CDH17: variants seen among roughly 807,000 people sequenced by gnomAD.
CDH17 encodes cadherin 17.
CDH17 carries 67 observed loss-of-function variants against 86.3 expected under a neutral mutation model. That is an observed-to-expected ratio of 0.78 (90% CI 0.64 to 0.95). CDH17 has a LOEUF of 0.95. Ranked by LOEUF, CDH17 falls within the 40% of genes least tolerant of loss-of-function variation. The probability of loss-of-function intolerance (pLI) is 0.00; values close to 1 mark genes in which losing one functional copy is unlikely to be tolerated. For synonymous variants in CDH17, 367 were observed against 366.4 expected (o/e 1.00, Z -0.02); for missense variants, 993 against 1,017.6 (o/e 0.98, Z 0.33).
At chr8:94,168,957 C>A (rs575331315) in intron 9 of CDH17, among the ~76,000 whole-genome samples, 1 of 152,282 alleles carries the variant, frequency 6.6e-6, no homozygotes, top group South Asian at 2.1e-4. Context: ...TCAGAACTCT[C>A]TGAATTAGAG....
chr8:94,216,351 G>C (rs1436376401), intron 1 of CDH17, among the ~76,000 whole-genome samples: 1 of 152,176 alleles, frequency 6.6e-6, no homozygotes, highest in African/African-American at 2.4e-5. Context: ...GTGCAGTGGA[G>C]GAGGAGGGGA....
chr8:94,173,281 G>A (rs1372739479), intron 7 of CDH17, among the ~76,000 whole-genome samples: 1 of 152,118 alleles, frequency 6.6e-6, no homozygotes, highest in Non-Finnish European at 1.5e-5. Context: ...GGGATCATGG[G>A]GGCAGATCCC....
At chr8:94,201,696 A>G (rs1021828702) in intron 1 of CDH17, among the ~76,000 whole-genome samples, 15 of 152,100 alleles carry the variant, frequency 9.9e-5, no homozygotes, top group African/African-American at 3.6e-4. Flanking sequence ...GCAAATGAAG[A>G]CCCCATGGAA....
Position 94,146,010 on chromosome 8 carries a change from C to T in CDH17, c.2085G>A (p.Gln695=), listed in dbSNP as rs758016278. ...TAAAATGGGGACCCCGAAATAAGTG[C>T]TGATCATCATCAGTAGCCTCGAAAA... is the stretch of plus-strand genomic sequence containing the variant. ...SLIFEATDDD[Q]HLFRGPHFTF... Residue 695 remains glutamine (Q), a synonymous_variant, in exon 15 of 18, where the codon CAG becomes CAA. Coordinates refer to ENST00000027335, the MANE Select transcript of CDH17 (RefSeq NM_004063.4). 6.2e-7 allele frequency: 1 copy of T among 1,613,932 alleles called. No homozygotes were observed. Among genetic ancestry groups the T allele is most frequent in the South Asian group, 1.1e-5 (1 of 91,040 alleles).
chr8:94,172,043 CCTCT>C (rs1435580697), intron 7 of CDH17, among the ~76,000 whole-genome samples: 1 of 142,642 alleles, frequency 7.0e-6, no homozygotes, highest in African/African-American at 2.6e-5. Context: ...CCCCTCTCCC[CCTCT>C]CTCTTTCTCC....
intron 15 of CDH17, among the ~76,000 whole-genome samples, chr8:94,137,335 C>T (rs894971057): frequency 2.0e-5 from 3 of 152,160 alleles, no homozygotes; most frequent in African/African-American, 7.2e-5. Context: ...CCTACTGAAG[C>T]CTCAGCAATG....
chr8:94,195,760 A>AT (rs5893269), intron 1 of CDH17, among the ~76,000 whole-genome samples: 156 of 144,842 alleles, frequency 1.1e-3, no homozygotes, highest in Admixed American at 1.6e-3. Flanking sequence ...AGTCAAGGAA[A>AT]TTTTTTTTTT....
At chr8:94,194,788 A>G in intron 1 of CDH17, 83 bp from the exon 2 acceptor site, 1 of 727,620 alleles carries the variant, frequency 1.4e-6, no homozygotes, top group Non-Finnish European at 2.4e-6. Flanking sequence ...TCAATGGATG[A>G]TATCCAGTTA....
chr8:94,211,466 C>G (rs759119591), upstream of CDH17, among the ~76,000 whole-genome samples: 12 of 152,132 alleles, frequency 7.9e-5, no homozygotes, highest in Non-Finnish European at 1.5e-4. Context: ...TGCCCACCAC[C>G]ACACCCGGCT....
rs548350881 is a variant in CDH17, at chr8:94,199,520, G to A, written c.-20-4815C>T. 1.0e-3 allele frequency among the ~76,000 whole-genome samples: 157 copies of A among 151,336 alleles called. 1 individual carries two copies. The highest frequency in any genetic ancestry group is 3.7e-3 in the African/African-American group (152 of 41,180). The stretch of plus-strand genomic sequence containing the variant: ...AAAACACAAGTTAAATGATAGAAAA[G>A]CAAATAAAAATAAAAGGAATGCCTT... On this transcript the variant is annotated intron_variant, in intron 1 of 17. Transcript: ENST00000027335.
intron 3 of CDH17, among the ~76,000 whole-genome samples, chr8:94,187,685 C>A (rs1323749413): frequency 6.6e-6 from 1 of 152,058 alleles, no homozygotes; most frequent in Admixed American, 6.5e-5. Flanking sequence ...GCCTCCTCTC[C>A]CACCTGCTCC....
chr8:94,163,337 A>G (rs1196471685), intron 10 of CDH17, among the ~76,000 whole-genome samples: 6 of 152,248 alleles, frequency 3.9e-5, no homozygotes, highest in Non-Finnish European at 8.8e-5. Context: ...CTGTAGCCCA[A>G]GGGGCTGACC....
intron 3 of CDH17, among the ~76,000 whole-genome samples, chr8:94,180,667 T>A (rs2130651000): frequency 6.6e-6 from 1 of 152,038 alleles, no homozygotes; most frequent in Admixed American, 6.5e-5. Flanking sequence ...GAGGCTGAGG[T>A]GGGCAGTCAC....
intron 1 of CDH17, among the ~76,000 whole-genome samples, chr8:94,207,396 T>A (rs1201371553): frequency 6.6e-6 from 1 of 152,160 alleles, no homozygotes; most frequent in East Asian, 1.9e-4. Context: ...TTCTCACAAC[T>A]ACCTAGTTAG....
upstream of CDH17, among the ~76,000 whole-genome samples, chr8:94,210,623 T>C (rs117932471): frequency 4.7e-3 from 709 of 152,314 alleles, 4 homozygotes; most frequent in Non-Finnish European, 7.5e-3. Context: ...AAGTGAGACA[T>C]TGCTGGTTCA....
intron 15 of CDH17, among the ~76,000 whole-genome samples, chr8:94,139,469 C>T (rs187090740): frequency 1.3e-5 from 2 of 152,184 alleles, no homozygotes; most frequent in East Asian, 3.9e-4. Flanking sequence ...CCAAGATGAT[C>T]ATCAAACTTC....
chr8:94,175,549 C>A (rs1813355648), intron 5 of CDH17, among the ~76,000 whole-genome samples: 1 of 151,988 alleles, frequency 6.6e-6, no homozygotes, highest in South Asian at 2.1e-4. Context: ...AATAGATAAA[C>A]CATATTTCTA....
chr8:94,162,323 T>G (rs1174206549), intron 10 of CDH17, among the ~76,000 whole-genome samples, 161 bp from the exon 11 acceptor site: 1 of 152,172 alleles, frequency 6.6e-6, no homozygotes, highest in African/African-American at 2.4e-5. Context: ...GTTTCCCACC[T>G]GTACCCAAGT....
chr8:94,203,814 C>T (rs1252886084), intron 1 of CDH17, among the ~76,000 whole-genome samples: 1 of 151,928 alleles, frequency 6.6e-6, no homozygotes. Context: ...GTTTTTAGAG[C>T]AGAGAGGAAG....
Sources: gnomAD v4.1 joint callset for allele counts (sites outside exome capture counted in the v4.1 genomes callset) on GRCh38, gnomAD v4.1.1 for gene constraint, MANE v1.5 for transcripts, NCBI Gene and HGNC (gene_info 2026-07-23, HGNC 2026-07-21) for gene names.